Variants in ADAM9 observed in about 807,000 individuals in gnomAD.
ADAM9 encodes disintegrin and metalloproteinase domain-containing protein 9.
In ADAM9, 54 loss-of-function variants were observed where a neutral mutation model predicts 108.1. The ratio of observed to expected loss-of-function variants is 0.50; its 90% confidence interval spans 0.40 to 0.63. ADAM9 has a LOEUF of 0.63. Ranked by LOEUF, ADAM9 falls within the 20% of genes least tolerant of loss-of-function variation. ADAM9 has a pLI of 0.00. For synonymous variants in ADAM9, 316 were observed against 336.0 expected, an observed-to-expected ratio of 0.94 and a Z score of 0.65; for missense variants, 830 against 997.7, an observed-to-expected ratio of 0.83 and a Z score of 2.26.
At chr8:39,083,283 T>C (rs1383165508) in intron 18 of ADAM9, among the ~76,000 whole-genome samples, 3 of 152,230 alleles carry the variant, frequency 2.0e-5, no homozygotes, top group Non-Finnish European at 4.4e-5. Context: ...GCCTCTTATG[T>C]AGGCTCCCTA....
intron 18 of ADAM9, among the ~76,000 whole-genome samples, chr8:39,086,649 G>A (rs1239771029): frequency 2.0e-5 from 3 of 151,608 alleles, no homozygotes; most frequent in African/African-American, 7.3e-5. Flanking sequence ...CTGTATTTTT[G>A]TAGGCCTTAT....
intron 3 of ADAM9, 58 bp downstream of exon 3, chr8:39,011,774 T>G: frequency 6.8e-7 from 1 of 1,473,180 alleles, no homozygotes; most frequent in Non-Finnish European, 9.5e-7. Context: ...GTATATTGGT[T>G]TTCTTTCTAG....
In ADAM9 at chr8:39,042,133, G is replaced by T. The variant is rs199727913; in HGVS notation, c.1302+16G>T. 1 of 1,613,824 alleles carries T rather than the reference G, an allele frequency of 6.2e-7. No individual in the cohort carries two copies. The highest frequency in any genetic ancestry group is 1.3e-5 in the African/African-American group (1 of 75,006). Reference sequence around the variant, plus strand: ...TACTCCAAAGGTCAGTTTAATTTTTGACTTTTGCCTTGTAAAATTGCCATG... The same window carrying T: ...TACTCCAAAGGTCAGTTTAATTTTTTACTTTTGCCTTGTAAAATTGCCATG... On this transcript the variant is annotated intron_variant, in intron 12 of 21. Coordinates refer to ENST00000487273, the MANE Select transcript of ADAM9 (RefSeq NM_003816.3).
chr8:38,999,931 T>C (rs933175797), intron 1 of ADAM9, among the ~76,000 whole-genome samples: 1 of 152,230 alleles, frequency 6.6e-6, no homozygotes, highest in Non-Finnish European at 1.5e-5. Flanking sequence ...TAACATATAC[T>C]GGAGGCTTGG....
At chr8:39,055,197 A>G (rs1454443805) in intron 13 of ADAM9, among the ~76,000 whole-genome samples, 1 of 152,128 alleles carries the variant, frequency 6.6e-6, no homozygotes, top group East Asian at 1.9e-4. Flanking sequence ...TAAGTTTTTG[A>G]TATACATTTT....
At chr8:39,079,686 G>A (rs1277059838) in intron 16 of ADAM9, among the ~76,000 whole-genome samples, 1 of 150,978 alleles carries the variant, frequency 6.6e-6, no homozygotes, top group African/African-American at 2.4e-5. Flanking sequence ...CCAGGCTCAA[G>A]TGATTCTTGT....
intron 11 of ADAM9, among the ~76,000 whole-genome samples, chr8:39,041,287 G>A (rs557647724): frequency 6.6e-6 from 1 of 152,142 alleles, no homozygotes; most frequent in African/African-American, 2.4e-5. Context: ...ATCTCACATA[G>A]CTCAAGTTGG....
At chr8:39,100,482 G>A (rs1384214799) in intron 20 of ADAM9, among the ~76,000 whole-genome samples, 5 of 147,974 alleles carry the variant, frequency 3.4e-5, no homozygotes, top group African/African-American at 1.3e-4. Context: ...GACAGAGCCA[G>A]ACTCCGTCTC....
At chr8:39,054,780 CA>C (rs1439097538) in intron 13 of ADAM9, among the ~76,000 whole-genome samples, 4 of 152,012 alleles carry the variant, frequency 2.6e-5, no homozygotes, top group Admixed American at 6.6e-5. Context: ...TAAGTAGAAA[CA>C]TTTTTTTTCT....
At chr8:39,079,820 A>G (rs1838964660) in intron 16 of ADAM9, among the ~76,000 whole-genome samples, 2 of 152,152 alleles carry the variant, frequency 1.3e-5, no homozygotes, top group Admixed American at 1.3e-4. Context: ...CCTAACCTCA[A>G]GTGATCTGCC....
intron 12 of ADAM9, among the ~76,000 whole-genome samples, chr8:39,050,830 GTTTTTTT>G (rs58115667): frequency 8.2e-5 from 7 of 85,238 alleles, no homozygotes; most frequent in South Asian, 4.6e-4. Flanking sequence ...GCTTGGAAGT[GTTTTTTT>G]TTTTTTTTTT....
intron 9 of ADAM9, among the ~76,000 whole-genome samples, chr8:39,025,092 CT>C (rs149554016): frequency 6.0e-5 from 9 of 148,932 alleles, no homozygotes; most frequent in African/African-American, 7.4e-5. Flanking sequence ...ATCCTGAATT[CT>C]TTTTTTTTTA....
At chr8:39,062,491 C>T (rs1838329450) in intron 14 of ADAM9, among the ~76,000 whole-genome samples, 1 of 152,146 alleles carries the variant, frequency 6.6e-6, no homozygotes, top group Non-Finnish European at 1.5e-5. Context: ...TAGACAGAAA[C>T]AGTGTGATCA....
chr8:39,020,455 T>C (rs1836700339), intron 7 of ADAM9, among the ~76,000 whole-genome samples: 1 of 152,222 alleles, frequency 6.6e-6, no homozygotes, highest in Non-Finnish European at 1.5e-5. Context: ...TATATTCTGA[T>C]ACTAATGCTT....
chr8:39,095,075 T>A (rs1424186399), intron 20 of ADAM9, among the ~76,000 whole-genome samples: 1 of 152,204 alleles, frequency 6.6e-6, no homozygotes, highest in Non-Finnish European at 1.5e-5. Flanking sequence ...AATTGCTTTT[T>A]CTGTGTTGCA....
In ADAM9 at chr8:39,067,228, A is replaced by G. The variant is rs1838510183; in HGVS notation, c.1592-4070A>G. On this transcript the variant is annotated intron_variant, in intron 14 of 21. Transcript: ENST00000487273. ...TCTTTTGGCTTAGGATTGACTTGGC[A>G]ATGTGGGCTCTTTTTTGGTTCCATA... 4.0e-5 allele frequency among the ~76,000 whole-genome samples: 6 copies of G among 151,830 alleles called. No homozygotes were observed. In the South Asian group the frequency reaches 1.2e-3, roughly 32 times the overall value.
intron 11 of ADAM9, among the ~76,000 whole-genome samples, chr8:39,031,279 A>G (rs1282699472): frequency 1.3e-5 from 2 of 152,188 alleles, no homozygotes; most frequent in Admixed American, 6.5e-5. Context: ...TTTTTTGCAT[A>G]TGAATATCTA....
intron 15 of ADAM9, among the ~76,000 whole-genome samples, 157 bp downstream of exon 15, chr8:39,071,560 A>G (rs967463237): frequency 1.4e-5 from 2 of 141,694 alleles, no homozygotes; most frequent in African/African-American, 2.7e-5. Flanking sequence ...TCCGCCTCCC[A>G]GGTTCAAGTG....
intron 11 of ADAM9, among the ~76,000 whole-genome samples, chr8:39,032,017 T>C (rs1330799203): frequency 6.6e-6 from 1 of 152,162 alleles, no homozygotes; most frequent in East Asian, 1.9e-4. Flanking sequence ...ACAGCAAATA[T>C]TGCTGCCTGA....
Sources: allele counts gnomAD v4.1 joint callset (sites outside exome capture counted in the v4.1 genomes callset), GRCh38; gene constraint gnomAD v4.1.1; transcripts MANE v1.5; gene names NCBI Gene and HGNC (gene_info 2026-07-23, HGNC 2026-07-21).